The following TSPOAP1 variants were observed in gnomAD, a reference collection of about 807,000 sequenced individuals.
The protein encoded by TSPOAP1 is TSPO associated protein 1, also known as peripheral-type benzodiazepine receptor-associated protein 1.
In TSPOAP1, 87 loss-of-function variants were observed where a neutral mutation model predicts 197.0. The ratio of observed to expected loss-of-function variants is 0.44; its 90% CI spans 0.37 to 0.53. TSPOAP1 has a LOEUF of 0.53. TSPOAP1 is among the 20% of genes least tolerant of loss of function. The pLI is 0.00. For synonymous variants in TSPOAP1, 913 were observed against 998.9 expected (o/e 0.91, Z 1.62); for missense variants, 2,174 against 2,411.3 (o/e 0.90, Z 2.06).
Position 58,309,278 on chromosome 17 carries a change from T to C in TSPOAP1, c.3994A>G (p.Ile1332Val), listed in dbSNP as rs572610922. The part of the protein sequence containing the change: ...QQFCSKKLFS[I>V]PEEEEEEEED... ...TCTTCCTCTTCCTCCTCCTCCGGGA[T>C]GCTAAAGAGCTTCTTGCTACAGAAC... The change falls in exon 22 of 32, where the codon ATC becomes GTC. Residue 1332 changes from isoleucine (I) to valine (V), a missense_variant. Transcript: ENST00000343736. This position sits in a 1 kb window ranked among gnomAD's most constrained non-coding sequence, Gnocchi z 5.0. The C allele has an allele frequency of 6.2e-7, 1 of 1,613,504 alleles. No individual in the cohort carries two copies. The highest frequency in any genetic ancestry group is 1.3e-5 in the African/African-American group (1 of 74,996).
intron 15 of TSPOAP1, 40 bp downstream of exon 15, chr17:58,316,385 C>A: frequency 1.3e-6 from 2 of 1,558,864 alleles, no homozygotes; most frequent in Non-Finnish European, 1.8e-6. Flanking sequence ...ACCCCAAATG[C>A]TGGGGCTGGG....
At position 58,324,261 on chromosome 17, in the gene TSPOAP1, G is replaced by T. The variant is rs924909416; in HGVS notation, c.942+550C>A. On this transcript the variant is annotated intron_variant, in intron 5 of 31. Coordinates refer to ENST00000343736, the MANE Select transcript of TSPOAP1 (RefSeq NM_004758.4). The surrounding 1 kb of genome is among the most constrained non-coding windows in gnomAD (Gnocchi z 5.8). ...TACTTGCTGCCTACCTAGGATGATGGCGAGAAGCCAGACCCTTAAGTTCTG... is the reference window on the plus strand; with the variant it reads ...TACTTGCTGCCTACCTAGGATGATGTCGAGAAGCCAGACCCTTAAGTTCTG... Among the ~76,000 whole-genome samples, 3 of 152,198 alleles carry T rather than the reference G, an allele frequency of 2.0e-5. No homozygotes were observed. The highest frequency in any genetic ancestry group is 2.9e-5 in the Non-Finnish European group (2 of 68,020).
At chr17:58,313,701 A>T (rs1448301220) in intron 16 of TSPOAP1, among the ~76,000 whole-genome samples, 1 of 152,134 alleles carries the variant, frequency 6.6e-6, no homozygotes, top group Non-Finnish European at 1.5e-5. Context: ...TGTGAACAGC[A>T]GACATCCACA....
chr17:58,309,541 C>T lies in TSPOAP1; in HGVS notation c.3892-161G>A, dbSNP rs553146709. Among the ~76,000 whole-genome samples, 16 of 152,176 alleles carry T rather than the reference C, an allele frequency of 1.1e-4. No homozygotes were observed. In the East Asian group the frequency reaches 2.3e-3, roughly 22 times the overall value. On this transcript the variant is annotated intron_variant, in intron 21 of 31. Transcript: ENST00000343736. This position sits in a 1 kb window ranked among gnomAD's most constrained non-coding sequence, Gnocchi z 5.0. ...CTCCGAGAGGAGAGAACCAGAGGGA[C>T]GGTGGCTGGCCCAAATTCACACACA...
rs1970932533 is a variant in TSPOAP1 at position 58,307,335 on chromosome 17, T to C, written c.4983+276A>G. ...TGTCTCAGGCAGTTTAAGCACTTTA[T>C]GTACATTGGATCATTTAATCCACAA... is the stretch of plus-strand genomic sequence containing the variant. On this transcript the variant is annotated intron_variant, in intron 24 of 31. Coordinates refer to ENST00000343736, the MANE Select transcript of TSPOAP1 (RefSeq NM_004758.4). 5.5e-6 allele frequency: 3 copies of C among 548,886 alleles called. No individual in the cohort carries two copies. In the South Asian group the frequency reaches 7.0e-5, roughly 13 times the overall value. The allele number at this position is 548,886 out of a possible 1,614,324, so 34.0% of individuals were successfully genotyped here.
In TSPOAP1 at chr17:58,320,104, G is replaced by A. The variant is rs556064517; in HGVS notation, c.1494+5C>T. ...GGTGTGGGGAAGTGGAGAACGAGGC[G>A]CTACCTGCATGGAATCCAAGGTAGA... is the stretch of plus-strand genomic sequence containing the variant. On this transcript the variant is annotated splice_donor_5th_base_variant and intron_variant, in intron 12 of 31. Transcript: ENST00000343736. 2.2e-5 allele frequency: 35 copies of A among 1,614,126 alleles called. No individual in the cohort carries two copies. Among genetic ancestry groups the A allele is most frequent in the African/African-American group, 1.3e-4 (10 of 75,022 alleles).
chr17:58,320,401 G>C (rs1971370228), intron 11 of TSPOAP1, 130 bp downstream of exon 11: 1 of 1,154,586 alleles, frequency 8.7e-7, no homozygotes, highest in Non-Finnish European at 1.2e-6. Context: ...ACTCCCCCAG[G>C]TCCTGGAGCA....
chr17:58,308,397 A>G lies in TSPOAP1; in HGVS notation c.4731+144T>C, dbSNP rs1970974089. 4.3e-6 allele frequency: 5 copies of G among 1,156,094 alleles called. No homozygotes were observed. The South Asian group carries it at 8.4e-5, about 20-fold the overall frequency. 71.6% of individuals were successfully genotyped at this position (1,156,094 alleles called of 1,614,324 possible). ...AAAGCAGTGGAATGTGGGTGGGAGG[A>G]GGCAGGTGAGGGAGCCCGGAGGCCC... On this transcript the variant is annotated intron_variant, in intron 22 of 31. Coordinates refer to ENST00000343736, the MANE Select transcript of TSPOAP1 (RefSeq NM_004758.4).
chr17:58,322,864 CA>C lies in TSPOAP1; in HGVS notation c.1194+85del, dbSNP rs2143120593. 6.2e-7 allele frequency: 1 copy of C among 1,603,556 alleles called. No homozygotes were observed. On this transcript the variant is annotated intron_variant, in intron 8 of 31. Transcript: ENST00000343736. The surrounding 1 kb of genome is among the most constrained non-coding windows in gnomAD (Gnocchi z 5.0). ...GGGGGAACAGTACCCTACCCCTGCT[CA>C]GGGGTGGAGGAGAAAGCCCCTTGGC...
intron 10 of TSPOAP1, among the ~76,000 whole-genome samples, chr17:58,321,141 T>C (rs1341926363): frequency 6.6e-6 from 1 of 152,070 alleles, no homozygotes; most frequent in Non-Finnish European, 1.5e-5. Flanking sequence ...ATGGCCCAAA[T>C]GGAACTCAGC....
In TSPOAP1 at chr17:58,304,394, C is replaced by T. The variant is rs772629954; in HGVS notation, c.5550G>A (p.Thr1850=). ...PRTPQAESQR[T]RRRRVQC is the part of the protein sequence containing the mutation. ...TCTAGCACTGGACTCTTCTCCTCCT[C>T]GTTCTCTGAGGACAGGGAACAAAGA... Residue 1850 remains threonine, a synonymous_variant, in exon 31 of 32, where the codon ACG becomes ACA. Transcript: ENST00000343736. The surrounding 1 kb of genome is among the most constrained non-coding windows in gnomAD (Gnocchi z 4.2). 6 of 1,613,562 alleles carry T rather than the reference C, an allele frequency of 3.7e-6. No individual in the cohort carries two copies. The highest frequency in any genetic ancestry group is 5.1e-6 in the Non-Finnish European group (6 of 1,179,634).
Position 58,324,849 on chromosome 17 carries a change from C to T in TSPOAP1, c.904G>A (p.Ala302Thr), listed in dbSNP as rs933832295. ...CCGGGAGCAGGCGCCCCTGCTCTGG[C>T]CTGGAGAGCAGGGCCCGGGGGCCAG... ...PSWPPGPALQARAGAPAPGAP... is the reference protein window; with the variant it reads ...PSWPPGPALQTRAGAPAPGAP... Residue 302 changes from alanine (A) to threonine (T), a missense_variant, in exon 5 of 32, where the codon GCC becomes ACC. Ala to Thr is a moderately conservative substitution (Grantham distance 58, BLOSUM62 0). Transcript: ENST00000343736. This position sits in a 1 kb window ranked among gnomAD's most constrained non-coding sequence, Gnocchi z 5.8. 6 of 1,525,308 alleles carry T rather than the reference C, an allele frequency of 3.9e-6. No individual in the cohort carries two copies. The African/African-American group carries it at 8.3e-5, about 21-fold the overall frequency. The allele number at this position is 1,525,308 out of a possible 1,614,324, so 94.5% of individuals were successfully genotyped here. A position where few individuals can be genotyped will look rare whatever the true frequency, so the allele number is the denominator to read the frequency against.
In TSPOAP1 at chr17:58,311,127, G is replaced by A. The variant is rs1277343614; in HGVS notation, c.3168C>T (p.Val1056=). ...LQLLQVCREV[V]VRTMSPHGES... Reference sequence around the variant, plus strand: ...CCCCGTGGGGCGACATGGTGCGCACGACCACCTCACGACACACCTGCAGCA... The same window carrying A: ...CCCCGTGGGGCGACATGGTGCGCACAACCACCTCACGACACACCTGCAGCA... Residue 1056 remains valine, a synonymous_variant, in exon 19 of 32, where the codon GTC becomes GTT. Coordinates refer to ENST00000343736, the MANE Select transcript of TSPOAP1 (RefSeq NM_004758.4). 1.5e-5 allele frequency: 24 copies of A among 1,605,880 alleles called. No homozygotes were observed. The highest frequency in any genetic ancestry group is 3.4e-5 in the Admixed American group (2 of 58,910).
chr17:58,318,161 A>T, intron 14 of TSPOAP1, 119 bp downstream of exon 14: 2 of 1,290,552 alleles, frequency 1.5e-6, no homozygotes, highest in Non-Finnish European at 2.1e-6. Context: ...CCACCTCCCA[A>T]CTTGGGACCC....
Position 58,322,293 on chromosome 17 carries a change from T to C in TSPOAP1, c.1422+15A>G, listed in dbSNP as rs757256439. ...GTGTCCAGCAGCCTGCCAGCTTCCCTCACTGCCGCCCCACCTGCTGCAGTC... is the reference window on the plus strand; with the variant it reads ...GTGTCCAGCAGCCTGCCAGCTTCCCCCACTGCCGCCCCACCTGCTGCAGTC... On this transcript the variant is annotated intron_variant, in intron 10 of 31. Coordinates refer to ENST00000343736, the MANE Select transcript of TSPOAP1 (RefSeq NM_004758.4). This position sits in a 1 kb window ranked among gnomAD's most constrained non-coding sequence, Gnocchi z 5.0. 6.2e-7 allele frequency: 1 copy of C among 1,600,052 alleles called. No individual in the cohort carries two copies. Among genetic ancestry groups the C allele is most frequent in the Non-Finnish European group, 8.5e-7 (1 of 1,178,722 alleles).
chr17:58,315,895 G>A, intron 16 of TSPOAP1, 128 bp downstream of exon 16: 1 of 675,848 alleles, frequency 1.5e-6, no homozygotes, highest in Non-Finnish European at 2.7e-6. Context: ...CAGAGGGGAT[G>A]GATGGATGGA....
In TSPOAP1 at chr17:58,320,598, C is replaced by T; in HGVS notation, c.1423-17G>A. ...AGCCTGGGCCTACAGGTGGGGGGAA[C>T]CAAAATACTGGAGGGAAGGAGAAGG... On this transcript the variant is annotated splice_polypyrimidine_tract_variant and intron_variant, in intron 10 of 31. Coordinates refer to ENST00000343736, the MANE Select transcript of TSPOAP1 (RefSeq NM_004758.4). 1 of 1,413,736 alleles carries T rather than the reference C, an allele frequency of 7.1e-7. No individual in the cohort carries two copies. The allele number at this position is 1,413,736 out of a possible 1,614,324, so 87.6% of individuals were successfully genotyped here.
chr17:58,320,595 G>A lies in TSPOAP1; in HGVS notation c.1423-14C>T. 1 of 1,433,818 alleles carries A rather than the reference G, an allele frequency of 7.0e-7. No individual in the cohort carries two copies. The highest frequency in any genetic ancestry group is 9.2e-7 in the Non-Finnish European group (1 of 1,089,226). The allele number at this position is 1,433,818 out of a possible 1,614,324, so 88.8% of individuals were successfully genotyped here. On this transcript the variant is annotated splice_polypyrimidine_tract_variant and intron_variant, in intron 10 of 31. Coordinates refer to ENST00000343736, the MANE Select transcript of TSPOAP1 (RefSeq NM_004758.4). Reference sequence around the variant, plus strand: ...TTCAGCCTGGGCCTACAGGTGGGGGGAACCAAAATACTGGAGGGAAGGAGA... The same window carrying A: ...TTCAGCCTGGGCCTACAGGTGGGGGAAACCAAAATACTGGAGGGAAGGAGA...
chr17:58,312,788 T>A, intron 16 of TSPOAP1, 66 bp from the exon 17 acceptor site: 1 of 1,350,968 alleles, frequency 7.4e-7, no homozygotes, highest in Non-Finnish European at 1.0e-6. Flanking sequence ...GAAAAAACGG[T>A]ATAATAAATG....
Sources: allele counts gnomAD v4.1 joint callset (sites outside exome capture counted in the v4.1 genomes callset), GRCh38; gene constraint gnomAD v4.1.1; non-coding constraint Gnocchi (gnomAD v3.1); transcripts MANE v1.5; gene names NCBI Gene and HGNC (gene_info 2026-07-23, HGNC 2026-07-21).